The following TRPM1 variants were observed in gnomAD, a reference collection of about 807,000 sequenced individuals.
TRPM1 encodes TRPM1-203 APA Isoform, Intron 10.
A neutral mutation model predicts 149.4 loss-of-function variants in TRPM1; 113 were observed. The ratio of observed to expected loss-of-function variants is 0.76; its 90% CI spans 0.65 to 0.88. The LOEUF (loss-of-function observed/expected upper bound fraction) is 0.88. Among genes scored for constraint, TRPM1 ranks in the 40% least tolerant of loss-of-function variants. The pLI is 0.00. For missense variants in TRPM1, 1,976 were observed against 2,038.7 expected (o/e 0.97, Z 0.59); for synonymous variants, 741 against 759.5 (o/e 0.98, Z 0.40).
intron 27 of TRPM1, among the ~76,000 whole-genome samples, chr15:31,014,749 CT>C (rs1342325368): frequency 2.0e-5 from 3 of 152,194 alleles, no homozygotes; most frequent in Non-Finnish European, 4.4e-5. Context: ...TCCTCCACCC[CT>C]GACAGACACA....
At chr15:31,050,388 T>A (rs754969019) in intron 12 of TRPM1, 21 bp downstream of exon 12, 34 of 1,614,026 alleles carry the variant, frequency 2.1e-5, no homozygotes, top group Non-Finnish European at 2.9e-5. Context: ...AAGCTCGTGA[T>A]CTCTGTGACC....
At chr15:31,157,106 C>T (rs912743824) in intron 1 of TRPM1, among the ~76,000 whole-genome samples, 5 of 151,978 alleles carry the variant, frequency 3.3e-5, no homozygotes, top group African/African-American at 1.2e-4. Context: ...AGAGATGGGG[C>T]TTCACCATGT....
rs182848624 is a variant in TRPM1 at position 31,008,474 on chromosome 15, T to C, written c.3630-5404A>G. ...AACATATAGGGTTTTTTCCTTTAAA[T>C]CATTAATATGGTGGATTACATTGAT... On this transcript the variant is annotated intron_variant, in intron 27 of 27. Transcript: ENST00000256552. Among the ~76,000 whole-genome samples the C allele has an allele frequency of 6.1e-3, 930 of 152,364 alleles. 3 individuals are homozygous for C. Among genetic ancestry groups the C allele is most frequent in the Non-Finnish European group, 0.01 (684 of 68,038 alleles).
rs556109953 is a variant in TRPM1 at position 31,089,772 on chromosome 15, C to G, written c.-83-8334G>C. Among the ~76,000 whole-genome samples, 52 of 152,298 alleles carry G rather than the reference C, an allele frequency of 3.4e-4. 1 individual carries two copies. The highest frequency in any genetic ancestry group is 1.3e-3 in the African/African-American group (52 of 41,564). Reference sequence around the variant, plus strand: ...TGTAATAGGTTAGTATCATTTTCCTCAACATGGTGTCCCCAAAGTGCATAA... The same window carrying G: ...TGTAATAGGTTAGTATCATTTTCCTGAACATGGTGTCCCCAAAGTGCATAA... On this transcript the variant is annotated intron_variant, in intron 1 of 27. Transcript: ENST00000256552.
chr15:31,072,002 TATATATATATATATATAGAGAG>T (rs745931602), intron 3 of TRPM1, among the ~76,000 whole-genome samples: 10,021 of 67,478 alleles, frequency 0.15, 890 homozygotes, highest in East Asian at 0.42. Context: ...TATATATATA[TATATATATATATATATAGAGAG>T]AGAGAGAGAG....
exon 1 of TRPM1, chr15:31,161,031 C>T (rs2036438388): frequency 6.2e-6 from 9 of 1,458,444 alleles, no homozygotes; most frequent in Non-Finnish European, 8.4e-6. Flanking sequence ...AGGGGCTGCC[C>T]TCCCTGGGTG....
chr15:31,111,964 G>T (rs748898167), intron 1 of TRPM1, among the ~76,000 whole-genome samples: 2 of 152,214 alleles, frequency 1.3e-5, no homozygotes, highest in Middle Eastern at 3.4e-3. Flanking sequence ...ATAGAGTATT[G>T]TTACCCGAAA....
intron 27 of TRPM1, among the ~76,000 whole-genome samples, chr15:31,007,652 GCAACAACAA>G (rs55739225): frequency 0.089 from 12,446 of 139,880 alleles, 777 homozygotes; most frequent in African/African-American, 0.2. Context: ...CAGCAGCGCA[GCAACAACAA>G]CAACAACAAC....
chr15:31,069,949 G>C (rs776924628), intron 4 of TRPM1, 82 bp downstream of exon 4: 2 of 1,613,132 alleles, frequency 1.2e-6, no homozygotes, highest in South Asian at 2.2e-5. Flanking sequence ...AGAAGACCAG[G>C]TATCTGCAGT....
intron 26 of TRPM1, among the ~76,000 whole-genome samples, chr15:31,026,615 T>C (rs922811749): frequency 6.6e-6 from 1 of 152,172 alleles, no homozygotes; most frequent in South Asian, 2.1e-4. Flanking sequence ...TGCAACAAAT[T>C]AAGACGTTTT....
At chr15:31,089,919 C>T (rs1055976547) in intron 1 of TRPM1, among the ~76,000 whole-genome samples, 9 of 152,020 alleles carry the variant, frequency 5.9e-5, no homozygotes, top group South Asian at 4.2e-4. Flanking sequence ...CTGGGTTGGC[C>T]GGGAGCACCG....
intron 1 of TRPM1, among the ~76,000 whole-genome samples, chr15:31,113,268 CCT>C (rs1415146640): frequency 1.2e-4 from 18 of 152,170 alleles, no homozygotes; most frequent in Admixed American, 1.3e-4. Flanking sequence ...GGACAGGACC[CCT>C]GATTCTGCCT....
intron 1 of TRPM1, among the ~76,000 whole-genome samples, chr15:31,087,643 G>A (rs558119611): frequency 6.6e-6 from 1 of 152,160 alleles, no homozygotes; most frequent in African/African-American, 2.4e-5. Flanking sequence ...CGACAGATGA[G>A]TGGATAAACA....
chr15:31,097,606 C>A (rs2035419390), intron 1 of TRPM1, among the ~76,000 whole-genome samples: 1 of 152,138 alleles, frequency 6.6e-6, no homozygotes, highest in Admixed American at 6.5e-5. Context: ...AACCAATTAA[C>A]GACGTACCAA....
At chr15:31,071,449 GC>G (rs2034536997) in intron 3 of TRPM1, among the ~76,000 whole-genome samples, 1 of 152,084 alleles carries the variant, frequency 6.6e-6, no homozygotes, top group South Asian at 2.1e-4. Context: ...TTGCCAGAAG[GC>G]TTTCTGTGCT....
chr15:31,054,862 G>A (rs1325654271), intron 11 of TRPM1, among the ~76,000 whole-genome samples: 1 of 152,060 alleles, frequency 6.6e-6, no homozygotes. Flanking sequence ...TAGTCACTAT[G>A]TTGTACAATA....
intron 27 of TRPM1, among the ~76,000 whole-genome samples, chr15:31,014,225 A>C (rs1471693045): frequency 6.6e-6 from 1 of 152,174 alleles, no homozygotes; most frequent in African/African-American, 2.4e-5. Flanking sequence ...TCAGGGAGCA[A>C]GCACTAAACC....
intron 1 of TRPM1, among the ~76,000 whole-genome samples, chr15:31,088,352 T>A (rs1485962884): frequency 6.6e-6 from 1 of 152,170 alleles, no homozygotes; most frequent in Non-Finnish European, 1.5e-5. Flanking sequence ...GTGGAAGCTT[T>A]CTTCTTTTTG....
chr15:31,089,116 ATGAATACAGT>A (rs2035133634), intron 1 of TRPM1, among the ~76,000 whole-genome samples: 1 of 152,218 alleles, frequency 6.6e-6, no homozygotes, highest in Admixed American at 6.5e-5. Context: ...AAAATTCGTG[ATGAATACAGT>A]GTGGAAACTG....
Sources: allele counts gnomAD v4.1 joint callset (sites outside exome capture counted in the v4.1 genomes callset), GRCh38; gene constraint gnomAD v4.1.1; transcripts MANE v1.5; gene names NCBI Gene and HGNC (gene_info 2026-07-23, HGNC 2026-07-21).